Variants in DDX54 observed in about 807,000 individuals in gnomAD.
The protein encoded by DDX54 is ATP-dependent RNA helicase DDX54.
In DDX54, 67 loss-of-function variants were observed where a neutral mutation model predicts 105.5. The observed-to-expected ratio is 0.64, with a 90% CI of 0.52 to 0.78. The LOEUF is 0.78. DDX54 is among the 30% of genes least tolerant of loss of function. The pLI is 0.00. For missense variants in DDX54, 1,206 were observed against 1,230.5 expected, an observed-to-expected ratio of 0.98 and a Z score of 0.30; for synonymous variants, 514 against 509.9, an observed-to-expected ratio of 1.01 and a Z score of -0.11.
At chr12:113,167,213 C>T (rs1436293685) in intron 12 of DDX54, among the ~76,000 whole-genome samples, 2 of 151,940 alleles carry the variant, frequency 1.3e-5, no homozygotes, top group African/African-American at 2.4e-5. Flanking sequence ...CCCATCTCTA[C>T]AAAAAATTAA....
Position 113,158,718 on chromosome 12 carries a change from C to T in DDX54, c.*159G>A, listed in dbSNP as rs1952166622. 2.6e-6 allele frequency: 2 copies of T among 777,458 alleles called. No homozygotes were observed. Among genetic ancestry groups the T allele is most frequent in the South Asian group, 2.1e-5 (1 of 46,532 alleles). 48.2% of individuals were successfully genotyped at this position (777,458 alleles called of 1,614,324 possible). ...TGTCTTAGGCTGACGCAGCTGCTGC[C>T]CTTCTGTGGCCATACAGTGCTCCTT... On this transcript the variant is annotated 3_prime_UTR_variant, in exon 20 of 20. Transcript: ENST00000306014. This position sits in a 1 kb window ranked among gnomAD's most constrained non-coding sequence, Gnocchi z 4.9.
chr12:113,179,412 T>C, intron 3 of DDX54, 81 bp from the exon 4 acceptor site: 1 of 1,477,164 alleles, frequency 6.8e-7, no homozygotes, highest in South Asian at 1.2e-5. Flanking sequence ...CCCTGAGGAG[T>C]GGGCATGCTA....
Position 113,163,158 on chromosome 12 carries a change from C to G in DDX54, c.2055G>C (p.Arg685=). 1 of 1,613,148 alleles carries G rather than the reference C, an allele frequency of 6.2e-7. No individual in the cohort carries two copies. Among genetic ancestry groups the G allele is most frequent in the Non-Finnish European group, 8.5e-7 (1 of 1,179,992 alleles). The change falls in exon 16 of 20, where the codon CGG becomes CGC. Residue 685 remains arginine, a synonymous_variant. Transcript: ENST00000306014. The surrounding 1 kb of genome is among the most constrained non-coding windows in gnomAD (Gnocchi z 5.9). ...CCCGCTCGCTGTCAAAGTCCTTGGG[C>G]CGGTAGGGGATGTAGAATTCCTGGT... is the stretch of plus-strand genomic sequence containing the variant. ...QRDQEFYIPY[R]PKDFDSERGL...
intron 12 of DDX54, 68 bp from the exon 13 acceptor site, chr12:113,166,100 A>C: frequency 6.8e-7 from 1 of 1,480,016 alleles, no homozygotes. Context: ...CCCGACCACC[A>C]CTCTTGGGCC....
chr12:113,168,242 C>T (rs1047407123), intron 12 of DDX54, among the ~76,000 whole-genome samples: 9 of 152,228 alleles, frequency 5.9e-5, no homozygotes, highest in Non-Finnish European at 1.3e-4. Flanking sequence ...GGACAGAGAC[C>T]ACCACTGGCA....
intron 10 of DDX54, 133 bp from the exon 11 acceptor site, chr12:113,172,696 G>T: frequency 9.0e-7 from 1 of 1,111,568 alleles, no homozygotes; most frequent in Non-Finnish European, 1.3e-6. Flanking sequence ...GGCACCCTTG[G>T]TCTGAATCCC....
At position 113,181,292 on chromosome 12, in the gene DDX54, A is replaced by AT. The variant is rs771201541; in HGVS notation, c.175-235dup. 8.0e-3 allele frequency among the ~76,000 whole-genome samples: 1,119 copies of AT among 139,326 alleles called. 12 individuals carry two copies. Among genetic ancestry groups the AT allele is most frequent in the African/African-American group, 0.024 (896 of 37,888 alleles). 91.4% of individuals were successfully genotyped at this position (139,326 alleles called of 152,430 possible). On this transcript the variant is annotated intron_variant, in intron 1 of 19. Transcript: ENST00000306014. The stretch of plus-strand genomic sequence containing the variant: ...GAATCTCAATCCCAAAAGTAAGTAC[A>AT]TTTTTTTTTTTTTTTTAAGAGACAG...
chr12:113,168,671 CTG>C (rs960910822), intron 12 of DDX54, among the ~76,000 whole-genome samples: 3 of 151,974 alleles, frequency 2.0e-5, no homozygotes, highest in African/African-American at 7.3e-5. Context: ...TGGCTCACGC[CTG>C]TAATTCCAGC....
At chr12:113,184,788 T>A (rs1410634366) in intron 1 of DDX54, among the ~76,000 whole-genome samples, 1 of 152,174 alleles carries the variant, frequency 6.6e-6, no homozygotes, top group African/African-American at 2.4e-5. Flanking sequence ...GCTACACAAC[T>A]GCACTCCGGC....
intron 1 of DDX54, 132 bp downstream of exon 1, chr12:113,185,146 G>T (rs1458778741): frequency 8.4e-7 from 1 of 1,187,920 alleles, no homozygotes; most frequent in Non-Finnish European, 1.1e-6. Context: ...TCCCAAGACC[G>T]GTCCTCGGGT....
intron 12 of DDX54, among the ~76,000 whole-genome samples, chr12:113,166,236 C>T (rs934571971): frequency 2.0e-5 from 3 of 152,206 alleles, no homozygotes; most frequent in South Asian, 2.1e-4. Context: ...AAACTGCGGC[C>T]GGCCGGCCAG....
intron 5 of DDX54, chr12:113,177,391 C>T: frequency 1.1e-5 from 4 of 348,250 alleles, no homozygotes; most frequent in East Asian, 5.1e-5. Context: ...CTTCCACCCA[C>T]AGTGCCCCCA....
chr12:113,172,113 A>G (rs965860525), intron 11 of DDX54, among the ~76,000 whole-genome samples: 2 of 152,134 alleles, frequency 1.3e-5, no homozygotes, highest in Admixed American at 6.5e-5. Flanking sequence ...TAAGCTGAAT[A>G]ATTGGGTTGT....
In DDX54 at chr12:113,179,170, G is replaced by A. The variant is rs912891191; in HGVS notation, c.537C>T (p.Ala179=). 12 of 1,613,996 alleles carry A rather than the reference G, an allele frequency of 7.4e-6. No individual in the cohort carries two copies. The highest frequency in any genetic ancestry group is 9.3e-6 in the Non-Finnish European group (11 of 1,180,020). ...ALILSPTREL[A]LQTLKFTKEL... is the part of the protein sequence containing the mutation. ...CCTTAGTGAACTTCAGGGTCTGCAG[G>A]GCCAGCTCTCGGGTCGGCGAGAGGA... The change falls in exon 4 of 20, where the codon GCC becomes GCT. Residue 179 remains alanine, a synonymous_variant. Coordinates refer to ENST00000306014, the MANE Select transcript of DDX54 (RefSeq NM_024072.4).
At position 113,165,712 on chromosome 12, in the gene DDX54, G is replaced by T. The variant is rs998061476; in HGVS notation, c.1651C>A (p.Arg551Ser). 3.7e-6 allele frequency: 6 copies of T among 1,613,200 alleles called. No individual in the cohort carries two copies. Among genetic ancestry groups the T allele is most frequent in the African/African-American group, 2.7e-5 (2 of 74,918 alleles). The change falls in exon 14 of 20, where the codon CGT becomes AGT. Residue 551 changes from arginine to serine, a missense_variant. Arg to Ser is a moderately radical substitution (Grantham distance 110). Transcript: ENST00000306014. ...GLGLHPLFSS[R>S]FEEEELQRLR... ...CGCTGCAGCTCCTCCTCCTCAAAACGCGAGCCTGGTAGGAAAGCAGCAAGG... is the reference window on the plus strand; with the variant it reads ...CGCTGCAGCTCCTCCTCCTCAAAACTCGAGCCTGGTAGGAAAGCAGCAAGG...
chr12:113,166,785 AC>A (rs1232706277), intron 12 of DDX54, among the ~76,000 whole-genome samples: 1 of 152,208 alleles, frequency 6.6e-6, no homozygotes, highest in African/African-American at 2.4e-5. Flanking sequence ...TTCCACAGCA[AC>A]CCTGTTCTAT....
At chr12:113,162,803 C>A in intron 17 of DDX54, 129 bp downstream of exon 17, 1 of 848,550 alleles carries the variant, frequency 1.2e-6, no homozygotes, top group Non-Finnish European at 1.8e-6. Context: ...GGAGGGGCGG[C>A]TCACTCACTC....
chr12:113,161,892 C>G lies in DDX54; in HGVS notation c.2300+1G>C. ...CTCCCCAGCCACGCCCCTCAGGATA[C>G]AGGTCTCGCTTGTAGGAGCTGCTGA... On this transcript the variant is annotated splice_donor_variant, in intron 18 of 19. Coordinates refer to ENST00000306014, the MANE Select transcript of DDX54 (RefSeq NM_024072.4). LOFTEE classifies it high-confidence loss of function. 1 of 1,602,662 alleles carries G rather than the reference C, an allele frequency of 6.2e-7. No individual in the cohort carries two copies. Among genetic ancestry groups the G allele is most frequent in the South Asian group, 1.1e-5 (1 of 90,944 alleles).
intron 2 of DDX54, 41 bp downstream of exon 2, chr12:113,180,888 C>G: frequency 6.2e-7 from 1 of 1,610,398 alleles, no homozygotes. Context: ...TGACCTCCAG[C>G]TGCCACTCCC....
Sources: gnomAD v4.1 joint callset for allele counts (sites outside exome capture counted in the v4.1 genomes callset) on GRCh38, gnomAD v4.1.1 for gene constraint, Gnocchi (gnomAD v3.1) non-coding constraint, MANE v1.5 for transcripts, NCBI Gene and HGNC (gene_info 2026-07-23, HGNC 2026-07-21) for gene names.